Variants in CPVL observed in about 807,000 individuals in gnomAD.
CPVL encodes the protein carboxypeptidase vitellogenic like.
In CPVL, 51 loss-of-function variants were observed where a neutral mutation model predicts 63.7. The observed-to-expected ratio is 0.80, with a 90% CI of 0.64 to 1.01. The LOEUF is 1.01. CPVL is among the 50% of genes least tolerant of loss of function. The pLI is 0.00. For missense variants in CPVL, 530 were observed against 573.1 expected (o/e 0.92, Z 0.77); for synonymous variants, 195 against 206.0 (o/e 0.95, Z 0.46).
Position 29,112,634 on chromosome 7 carries a change from G to A in CPVL, c.288+70C>T, listed in dbSNP as rs879067577. The A allele has an allele frequency of 8.3e-6, 8 of 963,106 alleles. No homozygotes were observed. The South Asian group carries it at 9.9e-5, about 12-fold the overall frequency. 59.7% of individuals were successfully genotyped at this position (963,106 alleles called of 1,614,324 possible). A position where few individuals can be genotyped will look rare whatever the true frequency, so the allele number is the denominator to read the frequency against. ...TTTTTTAAAGACCTGTAGCTCGGTAGGCTAACATTTCTACCCTCAAACGGC... is the reference window on the plus strand; with the variant it reads ...TTTTTTAAAGACCTGTAGCTCGGTAAGCTAACATTTCTACCCTCAAACGGC... On this transcript the variant is annotated intron_variant, in intron 3 of 12. Coordinates refer to ENST00000265394, the MANE Select transcript of CPVL (RefSeq NM_031311.5).
At chr7:29,096,480 T>C in intron 3 of CPVL, 1 of 514,422 alleles carries the variant, frequency 1.9e-6, no homozygotes, top group Non-Finnish European at 3.5e-6. Context: ...GAAAGCTCCT[T>C]AAATGTAGAT....
At chr7:29,069,830 A>ATGTGTGTGTGTGTG (rs1783569752) in intron 9 of CPVL, among the ~76,000 whole-genome samples, 1 of 136,298 alleles carries the variant, frequency 7.3e-6, no homozygotes, top group African/African-American at 2.9e-5. Flanking sequence ...GTGTGTGTGC[A>ATGTGTGTGTGTGTG]TGTAAATGCA....
At chr7:29,030,126 G>C (rs1423306636) in intron 12 of CPVL, among the ~76,000 whole-genome samples, 1 of 152,230 alleles carries the variant, frequency 6.6e-6, no homozygotes, top group African/African-American at 2.4e-5. Flanking sequence ...AAGATGATGA[G>C]AGTAACATCT....
intron 1 of CPVL, among the ~76,000 whole-genome samples, chr7:29,189,866 T>C (rs923583348): frequency 6.6e-6 from 1 of 152,158 alleles, no homozygotes; most frequent in Non-Finnish European, 1.5e-5. Context: ...GATGCAGGAA[T>C]ACCTGTGCCT....
Position 29,121,188 on chromosome 7 carries a change from T to C in CPVL, c.-10-117A>G, listed in dbSNP as rs544083102. On this transcript the variant is annotated intron_variant, in intron 1 of 12. Coordinates refer to ENST00000265394, the MANE Select transcript of CPVL (RefSeq NM_031311.5). ...AAAAATATTGTGTGTAAAGGCCCTCTGCAAGGACCTTGGATAGCACCATAA... is the reference window on the plus strand; with the variant it reads ...AAAAATATTGTGTGTAAAGGCCCTCCGCAAGGACCTTGGATAGCACCATAA... The C allele has an allele frequency of 5.1e-5, 47 of 921,870 alleles. 1 individual carries two copies. In the East Asian group the frequency reaches 6.0e-4, roughly 12 times the overall value. The allele number at this position is 921,870 out of a possible 1,614,324, so 57.1% of individuals were successfully genotyped here. A position where few individuals can be genotyped will look rare whatever the true frequency, so the allele number is the denominator to read the frequency against.
intron 12 of CPVL, among the ~76,000 whole-genome samples, chr7:29,006,252 T>G (rs1336079692): frequency 1.3e-5 from 2 of 152,186 alleles, no homozygotes; most frequent in African/African-American, 4.8e-5. Flanking sequence ...ATCAGTGCCC[T>G]CTCTCTTCAG....
intron 5 of CPVL, among the ~76,000 whole-genome samples, chr7:29,177,927 C>T (rs972233086): frequency 2.0e-5 from 3 of 152,172 alleles, no homozygotes; most frequent in East Asian, 1.9e-4. Context: ...ACACAACCCT[C>T]GGTTCCATCC....
intron 5 of CPVL, among the ~76,000 whole-genome samples, chr7:29,170,667 G>T (rs961012114): frequency 7.2e-5 from 11 of 152,094 alleles, no homozygotes; most frequent in African/African-American, 2.2e-4. Flanking sequence ...CTAATCTCAG[G>T]CAAAAATGAC....
chr7:29,188,554 A>T (rs1204664834), intron 1 of CPVL, among the ~76,000 whole-genome samples: 1 of 151,750 alleles, frequency 6.6e-6, no homozygotes, highest in Non-Finnish European at 1.5e-5. Flanking sequence ...AAAAAAGAGG[A>T]TTTCTGTTTT....
chr7:29,146,603 C>G (rs1437870123), upstream of CPVL: 11 of 1,550,304 alleles, frequency 7.1e-6, no homozygotes, highest in South Asian at 1.2e-5. Context: ...ACCCACAGGG[C>G]AAAAAGTGCG....
intron 5 of CPVL, among the ~76,000 whole-genome samples, chr7:29,171,851 A>G (rs1486626389): frequency 6.6e-6 from 1 of 152,222 alleles, no homozygotes; most frequent in Non-Finnish European, 1.5e-5. Flanking sequence ...GCTTTCAAGC[A>G]TGCCGTCACA....
Position 29,090,995 on chromosome 7 carries a change from G to C in CPVL, c.542+1628C>G, listed in dbSNP as rs145883832. On this transcript the variant is annotated intron_variant, in intron 6 of 12. Transcript: ENST00000265394. ...CTCTTATTCCAAACACCCATCTGGA[G>C]AGCTGGAGAGAAGAATGTGGTCACA... 2.8e-4 allele frequency among the ~76,000 whole-genome samples: 42 copies of C among 152,304 alleles called. 1 individual carries two copies. The highest frequency in any genetic ancestry group is 9.4e-4 in the African/African-American group (39 of 41,566).
At chr7:29,048,039 G>A (rs150625671) in intron 11 of CPVL, among the ~76,000 whole-genome samples, 2 of 152,098 alleles carry the variant, frequency 1.3e-5, no homozygotes, top group South Asian at 2.1e-4. Context: ...ACTGCTAAAA[G>A]GAGCTCTAAA....
intron 1 of CPVL, among the ~76,000 whole-genome samples, chr7:29,121,847 A>G (rs528994964): frequency 6.8e-4 from 103 of 152,290 alleles, no homozygotes; most frequent in Non-Finnish European, 1.3e-3. Flanking sequence ...CAACAAAAAC[A>G]AAAACAGGAA....
At chr7:29,045,368 A>C (rs1307993221) in intron 11 of CPVL, among the ~76,000 whole-genome samples, 1 of 152,218 alleles carries the variant, frequency 6.6e-6, no homozygotes, top group African/African-American at 2.4e-5. Context: ...GGAACTCTGC[A>C]GTATAAATTG....
chr7:29,129,684 GTCTCGA>G (rs1790475874), intron 1 of CPVL, among the ~76,000 whole-genome samples: 1 of 152,026 alleles, frequency 6.6e-6, no homozygotes, highest in Non-Finnish European at 1.5e-5. Context: ...GGCCAGGATG[GTCTCGA>G]TCTCCTGACC....
chr7:29,152,615 C>T (rs985796073), intron 5 of CPVL, among the ~76,000 whole-genome samples: 8 of 152,098 alleles, frequency 5.3e-5, no homozygotes, highest in African/African-American at 1.9e-4. Context: ...TCCCATCCAC[C>T]CCACCCAGAG....
exon 1 of CPVL, chr7:29,195,161 G>C: frequency 3.5e-6 from 2 of 578,738 alleles, no homozygotes; most frequent in South Asian, 5.6e-5. Flanking sequence ...TCGGTGCCCA[G>C]AGCACCTCCG....
At chr7:29,061,047 T>C (rs2128559812) in intron 11 of CPVL, among the ~76,000 whole-genome samples, 1 of 152,314 alleles carries the variant, frequency 6.6e-6, no homozygotes, top group East Asian at 1.9e-4. Context: ...TTTGTTCTGT[T>C]TCTTTATGGA....
Sources: allele counts gnomAD v4.1 joint callset (sites outside exome capture counted in the v4.1 genomes callset), GRCh38; gene constraint gnomAD v4.1.1; transcripts MANE v1.5; gene names NCBI Gene and HGNC (gene_info 2026-07-23, HGNC 2026-07-21).